Variants in NBAS observed in about 807,000 individuals in gnomAD.
NBAS encodes NBAS subunit of NRZ tethering complex, also known as NAG/BC035112 fusion.
A neutral mutation model predicts 302.5 loss-of-function variants in NBAS; 219 were observed. That is an observed-to-expected ratio of 0.72 (90% CI 0.65 to 0.81). The LOEUF (loss-of-function observed/expected upper bound fraction) is 0.81, where lower values mean the gene tolerates loss of function less well. Among genes scored for constraint, NBAS ranks in the 30% least tolerant of loss-of-function variants. NBAS has a pLI of 0.00. For synonymous variants in NBAS, 1,118 were observed against 1,021.6 expected (o/e 1.09, Z -1.80); for missense variants, 2,932 against 2,841.6 (o/e 1.03, Z -0.72).
At chr2:14,959,797 T>C in the NBAS span, among the ~76,000 whole-genome samples, 2 of 152,172 alleles carry the variant, frequency 1.3e-5, no homozygotes, top group Non-Finnish European at 2.9e-5. Flanking sequence ...CTACTTCAAA[T>C]ACAATATTCC....
In NBAS at chr2:15,347,137, T is replaced by A. The variant is rs553026174; in HGVS notation, c.4179+4855A>T. Among the ~76,000 whole-genome samples the A allele has an allele frequency of 9.9e-5, 15 of 152,270 alleles. No homozygotes were observed. In the South Asian group the frequency reaches 2.1e-3, roughly 21 times the overall value. On this transcript the variant is annotated intron_variant, in intron 35 of 51. Coordinates refer to ENST00000281513, the MANE Select transcript of NBAS (RefSeq NM_015909.4). ...CAGGACTTAAAGTAAAATAAATTTT[T>A]AAAAAAGTCAGTTAATAACACACAT...
chr2:15,426,180 C>T (rs578076679), intron 22 of NBAS, among the ~76,000 whole-genome samples: 1 of 152,156 alleles, frequency 6.6e-6, no homozygotes, highest in Non-Finnish European at 1.5e-5. Context: ...AAATATTATC[C>T]TCCAAAAGTT....
chr2:14,940,415 C>A, the NBAS span, among the ~76,000 whole-genome samples: 96 of 152,262 alleles, frequency 6.3e-4, 2 homozygotes, highest in East Asian at 0.017. Context: ...TATAAGTTTC[C>A]TGAGGCTTCC....
the NBAS span, among the ~76,000 whole-genome samples, chr2:15,042,671 T>C: frequency 0.02 from 3,118 of 152,280 alleles, 131 homozygotes; most frequent in East Asian, 0.1. Context: ...GCCCCCTTTC[T>C]TAGAGGAGAA....
chr2:15,287,024 C>CTA (rs1438293636), intron 42 of NBAS, 49 bp downstream of exon 42: 3 of 1,438,416 alleles, frequency 2.1e-6, no homozygotes, highest in Non-Finnish European at 2.9e-6. Flanking sequence ...CAAAAATAGA[C>CTA]TCTAAAGAAA....
intron 47 of NBAS, among the ~76,000 whole-genome samples, chr2:15,228,672 T>C (rs1239670206): frequency 6.6e-6 from 1 of 152,180 alleles, no homozygotes; most frequent in Non-Finnish European, 1.5e-5. Context: ...ATCCTGTCAT[T>C]TGCAGTAACA....
chr2:15,331,969 G>C (rs1360666545), intron 35 of NBAS, among the ~76,000 whole-genome samples: 5 of 152,202 alleles, frequency 3.3e-5, no homozygotes, highest in African/African-American at 1.2e-4. Context: ...GGGAGAGTGA[G>C]TGTCAGAGAT....
chr2:15,179,371 C>T, intron 50 of NBAS: 1 of 477,454 alleles, frequency 2.1e-6, no homozygotes, highest in East Asian at 4.0e-5. Flanking sequence ...TTGTAATGCT[C>T]ATTGTACAGA....
At chr2:15,320,633 GAACTC>G (rs1009558046) in intron 38 of NBAS, among the ~76,000 whole-genome samples, 318 of 152,234 alleles carry the variant, frequency 2.1e-3, no homozygotes, top group African/African-American at 7.1e-3. Context: ...AATCATGAAT[GAACTC>G]CCATTCACAA....
chr2:15,232,683 C>A (rs1254343279), intron 46 of NBAS, among the ~76,000 whole-genome samples, 172 bp from the exon 47 acceptor site: 2 of 152,194 alleles, frequency 1.3e-5, no homozygotes, highest in Non-Finnish European at 2.9e-5. Context: ...ACACTAGGTG[C>A]TAATGAAACA....
At chr2:15,501,179 T>C (rs1308326436) in intron 11 of NBAS, among the ~76,000 whole-genome samples, 1 of 151,498 alleles carries the variant, frequency 6.6e-6, no homozygotes, top group Non-Finnish European at 1.5e-5. Context: ...CGGGTGCCTG[T>C]AGTCCCAGCT....
At chr2:15,120,149 G>A in the NBAS span, among the ~76,000 whole-genome samples, 1 of 152,200 alleles carries the variant, frequency 6.6e-6, no homozygotes, top group African/African-American at 2.4e-5. Flanking sequence ...GATCTCCAAT[G>A]TGTACCTCTT....
the NBAS span, among the ~76,000 whole-genome samples, chr2:14,877,614 A>C: frequency 6.6e-6 from 1 of 152,110 alleles, no homozygotes. Context: ...AGGCCTGGGG[A>C]GTTAGGAAAA....
intron 3 of NBAS, among the ~76,000 whole-genome samples, chr2:15,556,443 G>A (rs1664649661): frequency 6.6e-6 from 1 of 152,118 alleles, no homozygotes; most frequent in Non-Finnish European, 1.5e-5. Flanking sequence ...TTAACCACAA[G>A]TGAGATGACA....
At chr2:15,276,520 G>C (rs1669588729) in intron 43 of NBAS, among the ~76,000 whole-genome samples, 1 of 152,118 alleles carries the variant, frequency 6.6e-6, no homozygotes, top group South Asian at 2.1e-4. Flanking sequence ...CTATTATAAA[G>C]TGTCTTGGCC....
intron 44 of NBAS, among the ~76,000 whole-genome samples, chr2:15,268,079 C>T (rs1669155016): frequency 1.3e-5 from 2 of 152,158 alleles, no homozygotes; most frequent in South Asian, 4.1e-4. Context: ...GTTAGCTAGA[C>T]ATTTGGTTGG....
At chr2:15,365,377 G>C (rs1438987895) in intron 32 of NBAS, among the ~76,000 whole-genome samples, 1 of 152,180 alleles carries the variant, frequency 6.6e-6, no homozygotes, top group Non-Finnish European at 1.5e-5. Context: ...GATGATCAGA[G>C]TGCATCAGAG....
At chr2:15,098,347 A>ACAATATATC in the NBAS span, among the ~76,000 whole-genome samples, 2 of 1,852 alleles carry the variant, frequency 1.1e-3, no homozygotes, top group Non-Finnish European at 2.0e-3. Context: ...TATAATATAT[A>ACAATATATC]ATATATGATA....
the NBAS span, among the ~76,000 whole-genome samples, chr2:15,019,781 G>T: frequency 1.3e-5 from 2 of 152,012 alleles, no homozygotes; most frequent in Admixed American, 1.3e-4. Flanking sequence ...AGAACTAGCA[G>T]GTTCTCCTTC....
Sources: allele counts gnomAD v4.1 joint callset (sites outside exome capture counted in the v4.1 genomes callset), GRCh38; gene constraint gnomAD v4.1.1; transcripts MANE v1.5; gene names NCBI Gene and HGNC (gene_info 2026-07-23, HGNC 2026-07-21).